NTMT1: variants seen among roughly 807,000 people sequenced by gnomAD.
NTMT1 encodes the protein N-terminal RCC1 methyltransferase.
Under a neutral mutation model 17.5 loss-of-function variants are expected in NTMT1, and 8 were observed. The observed-to-expected ratio is 0.46, with a 90% CI of 0.27 to 0.82. The LOEUF (loss-of-function observed/expected upper bound fraction) is 0.82, where lower values mean the gene tolerates loss of function less well. Among genes scored for constraint, NTMT1 ranks in the 40% least tolerant of loss-of-function variants. The pLI, the probability that NTMT1 is intolerant of heterozygous loss-of-function variation, is 0.15. For missense variants in NTMT1, 221 were observed against 303.5 expected (o/e 0.73, Z 2.02); for synonymous variants, 128 against 126.8 (o/e 1.01, Z -0.06).
chr9:129,635,000 C>T, intron 3 of NTMT1: 2 of 612,194 alleles, frequency 3.3e-6, no homozygotes, highest in Non-Finnish European at 5.7e-6. Context: ...CTTAATGTGT[C>T]TTTAGGTAGA....
At chr9:129,635,078 A>G (rs1271936843) in intron 3 of NTMT1, 130 bp from the exon 4 acceptor site, 41 of 1,064,550 alleles carry the variant, frequency 3.9e-5, no homozygotes, top group Non-Finnish European at 5.4e-5. Flanking sequence ...ACTGAGAGCC[A>G]ATGAGGCCAT....
chr9:129,634,596 C>CA (rs1831404967), intron 3 of NTMT1: 1 of 370,930 alleles, frequency 2.7e-6, no homozygotes, highest in East Asian at 4.7e-5. Flanking sequence ...TTACTGCATT[C>CA]AAAGTGAGGA....
intron 1 of NTMT1, among the ~76,000 whole-genome samples, chr9:129,615,907 A>G (rs1830354741): frequency 6.6e-6 from 1 of 152,228 alleles, no homozygotes; most frequent in Non-Finnish European, 1.5e-5. Context: ...TAGTTGAGGA[A>G]ACAGAGGCAC....
intron 1 of NTMT1, among the ~76,000 whole-genome samples, chr9:129,621,088 C>G (rs1298990303): frequency 6.6e-6 from 1 of 152,262 alleles, no homozygotes; most frequent in East Asian, 1.9e-4. Context: ...ATCACCGCAT[C>G]ACCGCTGGTA....
At chr9:129,619,511 A>C in intron 1 of NTMT1, 1 of 1,601,714 alleles carries the variant, frequency 6.2e-7, no homozygotes, top group Middle Eastern at 1.7e-4. Context: ...TATCCCGCCC[A>C]TCACTCACTG....
In NTMT1 at chr9:129,620,533, C is replaced by T; in HGVS notation, c.-55+11355C>T. On this transcript the variant is annotated intron_variant, in intron 1 of 3. Transcript: ENST00000372486. The surrounding 1 kb of genome is among the most constrained non-coding windows in gnomAD (Gnocchi z 5.8). ...CTCCGTCGCCAGGGAGCCCCTTGGGCGCCAGGTCCTGGGCCCCTGGGCGAA... is the reference window on the plus strand; with the variant it reads ...CTCCGTCGCCAGGGAGCCCCTTGGGTGCCAGGTCCTGGGCCCCTGGGCGAA... 2 of 1,443,854 alleles carry T rather than the reference C, an allele frequency of 1.4e-6. No homozygotes were observed. Among genetic ancestry groups the T allele is most frequent in the South Asian group, 1.4e-5 (1 of 71,806 alleles). 89.4% of individuals were successfully genotyped at this position (1,443,854 alleles called of 1,614,324 possible).
chr9:129,612,992 T>C, intron 1 of NTMT1: 1 of 1,365,882 alleles, frequency 7.3e-7, no homozygotes, highest in Non-Finnish European at 1.0e-6. Flanking sequence ...GACTTGGCTC[T>C]CAGGGAGGGT....
At position 129,620,111 on chromosome 9, in the gene NTMT1, AGGAACTCAC is replaced by A. The variant is rs1830606832; in HGVS notation, c.-55+10939_-55+10947del. The A allele has an allele frequency of 2.1e-5, 30 of 1,451,486 alleles. No homozygotes were observed. In the East Asian group the frequency reaches 7.5e-4, roughly 36 times the overall value. 89.9% of individuals were successfully genotyped at this position (1,451,486 alleles called of 1,614,324 possible). ...GGCGCACTTCTCCTGGAGCTGGTGC[AGGAACTCAC>A]GGAACCTGCTGGGGAGGAGCTCTCC... On this transcript the variant is annotated intron_variant, in intron 1 of 3. Transcript: ENST00000372486. This position sits in a 1 kb window ranked among gnomAD's most constrained non-coding sequence, Gnocchi z 5.8.
rs1319800240 is a variant in NTMT1 at position 129,632,673 on chromosome 9, G to A, written c.-31G>A. ...AGGAGAGTCGCGGTTGCTGATCGTG[G>A]TGCTTGAGTAGAGCCGTGGTTGGTG... On this transcript the variant is annotated 5_prime_UTR_variant, in exon 2 of 4. The change creates a new upstream start codon in the 5' untranslated region. Coordinates refer to ENST00000372483, the MANE Select transcript of NTMT1 (RefSeq NM_014064.4). 1.2e-6 allele frequency: 2 copies of A among 1,610,562 alleles called. No individual in the cohort carries two copies. Among genetic ancestry groups the A allele is most frequent in the African/African-American group, 2.7e-5 (2 of 74,884 alleles).
Position 129,613,345 on chromosome 9 carries a change from G to T in NTMT1, c.-55+4167G>T. On this transcript the variant is annotated intron_variant, in intron 1 of 3. Coordinates refer to the NTMT1 transcript ENST00000372486. This position sits in a 1 kb window ranked among gnomAD's most constrained non-coding sequence, Gnocchi z 6.2. ...CCTTGAGGACCCACACTGGCAACCC[G>T]CCTGCTGCTGGGTGGGGAGGTCTGT... 1.9e-6 allele frequency: 3 copies of T among 1,568,052 alleles called. No individual in the cohort carries two copies. The highest frequency in any genetic ancestry group is 1.7e-6 in the Non-Finnish European group (2 of 1,155,066).
upstream of NTMT1, among the ~76,000 whole-genome samples, chr9:129,623,823 C>CTTT (rs746654555): frequency 2.1e-3 from 224 of 107,796 alleles, 37 homozygotes; most frequent in African/African-American, 5.3e-3. Flanking sequence ...TTTTTCTTTT[C>CTTT]TTTTCTTTTT....
chr9:129,615,654 G>A, intron 1 of NTMT1: 2 of 1,537,068 alleles, frequency 1.3e-6, no homozygotes, highest in Non-Finnish European at 1.7e-6. Context: ...CCTGCTGAGA[G>A]AGGGGAGAGG....
At chr9:129,634,985 T>C in intron 3 of NTMT1, 1 of 568,218 alleles carries the variant, frequency 1.8e-6, no homozygotes, top group Non-Finnish European at 3.1e-6. Context: ...CAAGTCAAAT[T>C]CTGGCTTAAT....
intron 1 of NTMT1, chr9:129,612,132 C>T: frequency 1.9e-6 from 1 of 538,868 alleles, no homozygotes; most frequent in Non-Finnish European, 3.4e-6. Context: ...CCAGGGATGC[C>T]CTGTCCCCAC....
At chr9:129,612,080 C>T in intron 1 of NTMT1, 1 of 418,294 alleles carries the variant, frequency 2.4e-6, no homozygotes, top group South Asian at 2.8e-5. Flanking sequence ...GTGGCAGGGT[C>T]TCCCACCTTC....
chr9:129,623,828 CT>C (rs11375035), upstream of NTMT1, among the ~76,000 whole-genome samples: 4 of 130,638 alleles, frequency 3.1e-5, no homozygotes, highest in African/African-American at 5.8e-5. Context: ...CTTTTCTTTT[CT>C]TTTTTTTTTT....
At chr9:129,616,468 C>T (rs1293102594) in intron 1 of NTMT1, among the ~76,000 whole-genome samples, 1 of 152,150 alleles carries the variant, frequency 6.6e-6, no homozygotes, top group African/African-American at 2.4e-5. Context: ...CACCCCCCTT[C>T]GCCTTCCTAA....
rs747931652 is a variant in NTMT1, at chr9:129,612,393, T to C, written c.-55+3215T>C. Reference sequence around the variant, plus strand: ...TGTTGCGGAGGCCAGGAGGAGATGGTACCCCTTAGGGCAGCCTTGCTTCAG... The same window carrying C: ...TGTTGCGGAGGCCAGGAGGAGATGGCACCCCTTAGGGCAGCCTTGCTTCAG... On this transcript the variant is annotated intron_variant, in intron 1 of 3. Coordinates refer to the NTMT1 transcript ENST00000372486. 50 of 1,613,220 alleles carry C rather than the reference T, an allele frequency of 3.1e-5. 1 individual carries two copies. The South Asian group carries it at 5.5e-4, about 18-fold the overall frequency.
At chr9:129,633,983 GGGCTCGTGAGGAA>G (rs1831353125) in intron 2 of NTMT1, 58 bp from the exon 3 acceptor site, 53 of 1,523,824 alleles carry the variant, frequency 3.5e-5, no homozygotes, top group Non-Finnish European at 4.6e-5. Flanking sequence ...CTAAGTCCTA[GGGCTCGTGAGGAA>G]GGGCCGCACG....
Sources: gnomAD v4.1 joint callset for allele counts (sites outside exome capture counted in the v4.1 genomes callset) on GRCh38, gnomAD v4.1.1 for gene constraint, Gnocchi (gnomAD v3.1) non-coding constraint, MANE v1.5 for transcripts, NCBI Gene and HGNC (gene_info 2026-07-23, HGNC 2026-07-21) for gene names.